Variants in WASHC5 observed in about 807,000 individuals in gnomAD.
WASHC5 encodes the protein WASH complex subunit 5.
WASHC5 carries 101 observed loss-of-function variants against 150.4 expected under a neutral mutation model. That is an observed-to-expected ratio of 0.67 (90% CI 0.57 to 0.79). The LOEUF is 0.79. WASHC5 is among the 30% of genes least tolerant of loss of function. The pLI is 0.00. For missense variants in WASHC5, 1,195 were observed against 1,396.3 expected (o/e 0.86, Z 2.30); for synonymous variants, 467 against 491.2 (o/e 0.95, Z 0.65).
chr8:125,037,698 T>G (rs1815756800), intron 25 of WASHC5, among the ~76,000 whole-genome samples: 1 of 144,990 alleles, frequency 6.9e-6, no homozygotes. Flanking sequence ...ATAGGGGGAG[T>G]GTGGGAGAGA....
At chr8:125,061,575 A>G (rs1378155049) in intron 11 of WASHC5, among the ~76,000 whole-genome samples, 1 of 152,204 alleles carries the variant, frequency 6.6e-6, no homozygotes, top group Non-Finnish European at 1.5e-5. Context: ...AGGGAATTGT[A>G]TCCAGATGAA....
chr8:125,083,321 A>T, intron 2 of WASHC5, 63 bp from the exon 3 acceptor site: 1 of 1,493,916 alleles, frequency 6.7e-7, no homozygotes, highest in Non-Finnish European at 9.3e-7. Context: ...CAATTTCTAA[A>T]TAGTCTTTTA....
chr8:125,079,591 G>A (rs1240976195), intron 5 of WASHC5, among the ~76,000 whole-genome samples: 4 of 151,830 alleles, frequency 2.6e-5, no homozygotes, highest in South Asian at 2.1e-4. Flanking sequence ...GATTTGTTTC[G>A]GAATATAGCA....
At chr8:125,079,751 A>G (rs1355627225) in intron 5 of WASHC5, among the ~76,000 whole-genome samples, 1 of 152,208 alleles carries the variant, frequency 6.6e-6, no homozygotes, top group Non-Finnish European at 1.5e-5. Flanking sequence ...AGTGAAGACT[A>G]TATATAGCCT....
intron 17 of WASHC5, among the ~76,000 whole-genome samples, chr8:125,051,731 T>C (rs1244153280): frequency 6.6e-6 from 1 of 152,042 alleles, no homozygotes; most frequent in Non-Finnish European, 1.5e-5. Flanking sequence ...CTACTAAAAA[T>C]ACAAAATTAG....
chr8:125,057,778 G>GCAACAACCACCGAATCTCCTCAATAT, intron 14 of WASHC5, 112 bp from the exon 15 acceptor site: 15 of 749,416 alleles, frequency 2.0e-5, no homozygotes, highest in African/African-American at 1.4e-4. Context: ...CCAACAGAGG[G>GCAACAACCACCGAATCTCCTCAATAT]CATTAATAGT....
intron 1 of WASHC5, among the ~76,000 whole-genome samples, chr8:125,085,231 A>G (rs7832481): frequency 0.099 from 15,090 of 152,186 alleles, 1,661 homozygotes; most frequent in African/African-American, 0.27. Flanking sequence ...AATTGTCAGT[A>G]TGGAGCATTT....
At chr8:125,052,609 T>C (rs924798793) in intron 17 of WASHC5, among the ~76,000 whole-genome samples, 1 of 141,796 alleles carries the variant, frequency 7.1e-6, no homozygotes, top group Admixed American at 6.9e-5. Context: ...TCACACACAC[T>C]ACACACACAC....
intron 23 of WASHC5, among the ~76,000 whole-genome samples, chr8:125,040,182 G>A (rs575358204): frequency 5.9e-5 from 9 of 152,260 alleles, no homozygotes; most frequent in African/African-American, 2.2e-4. Flanking sequence ...AGTTGTTCAT[G>A]TATCAAAGAT....
intron 27 of WASHC5, among the ~76,000 whole-genome samples, chr8:125,031,636 C>T (rs1173577050): frequency 6.8e-6 from 1 of 147,012 alleles, no homozygotes; most frequent in Non-Finnish European, 1.5e-5. Context: ...GTTATGTAGC[C>T]AGGCTGACCC....
At chr8:125,079,282 C>A (rs1479811288) in intron 5 of WASHC5, among the ~76,000 whole-genome samples, 1 of 145,460 alleles carries the variant, frequency 6.9e-6, no homozygotes, top group Non-Finnish European at 1.5e-5. Flanking sequence ...ACCTCTGCCT[C>A]CAGGTTCAAG....
At chr8:125,055,230 C>A (rs180689993) in intron 17 of WASHC5, among the ~76,000 whole-genome samples, 1 of 152,246 alleles carries the variant, frequency 6.6e-6, no homozygotes, top group Non-Finnish European at 1.5e-5. Flanking sequence ...TTGAGACCAG[C>A]CTGGCCAACA....
At chr8:125,024,774 TAGAAG>T (rs1406566341) in intron 28 of WASHC5, 101 bp from the exon 29 acceptor site, 2 of 820,142 alleles carry the variant, frequency 2.4e-6, no homozygotes, top group African/African-American at 1.7e-5. Context: ...AGGTGAATAA[TAGAAG>T]AGGAGACTCC....
chr8:125,081,079 T>C (rs181176065), intron 5 of WASHC5, among the ~76,000 whole-genome samples: 1 of 152,248 alleles, frequency 6.6e-6, no homozygotes, highest in Non-Finnish European at 1.5e-5. Flanking sequence ...CTTTTTAAAA[T>C]TGGAGTTATC....
chr8:125,049,218 C>G, intron 18 of WASHC5, 33 bp from the exon 19 acceptor site: 1 of 1,608,268 alleles, frequency 6.2e-7, no homozygotes, highest in Non-Finnish European at 8.5e-7. Flanking sequence ...AGCTCTTACA[C>G]TGGAGTAGAT....
chr8:125,077,505 G>C (rs776016795), intron 6 of WASHC5, among the ~76,000 whole-genome samples: 3 of 152,142 alleles, frequency 2.0e-5, no homozygotes, highest in Admixed American at 6.5e-5. Flanking sequence ...ACAGAGAGTG[G>C]GGTGGACACA....
intron 23 of WASHC5, 38 bp downstream of exon 23, chr8:125,043,787 G>T (rs1815965133): frequency 2.1e-6 from 3 of 1,396,040 alleles, no homozygotes; most frequent in Non-Finnish European, 3.0e-6. Flanking sequence ...ATTTAAAAAT[G>T]TAAGTATTGA....
intron 8 of WASHC5, among the ~76,000 whole-genome samples, chr8:125,073,765 A>C (rs72497351): frequency 1.3e-5 from 2 of 152,150 alleles, no homozygotes; most frequent in Non-Finnish European, 2.9e-5. Flanking sequence ...CTGAGACTAC[A>C]TCCTAGTTCT....
At chr8:125,044,133 T>C in intron 21 of WASHC5, 39 bp from the exon 22 acceptor site, 2 of 1,349,800 alleles carry the variant, frequency 1.5e-6, no homozygotes, top group Non-Finnish European at 2.1e-6. Flanking sequence ...CCAAACATAA[T>C]GAATTAAACA....
Sources: allele counts gnomAD v4.1 joint callset (sites outside exome capture counted in the v4.1 genomes callset), GRCh38; gene constraint gnomAD v4.1.1; transcripts MANE v1.5; gene names NCBI Gene and HGNC (gene_info 2026-07-23, HGNC 2026-07-21).